Variants in RNF144B observed in about 807,000 individuals in gnomAD.
RNF144B encodes E3 ubiquitin-protein ligase RNF144B.
A neutral mutation model predicts 40.2 loss-of-function variants in RNF144B; 25 were observed. That is an observed-to-expected ratio of 0.62 (90% CI 0.45 to 0.87). RNF144B has a LOEUF of 0.87. Among genes scored for constraint, RNF144B ranks in the 40% least tolerant of loss-of-function variants. The probability of loss-of-function intolerance (pLI) is 0.00; values close to 1 mark genes in which losing one functional copy is unlikely to be tolerated. For missense variants in RNF144B, 365 were observed against 373.7 expected, an observed-to-expected ratio of 0.98 and a Z score of 0.19; for synonymous variants, 145 against 136.3, an observed-to-expected ratio of 1.06 and a Z score of -0.44.
rs1483183523 is a variant in RNF144B, at chr6:18,419,203, C to T, written c.166-8378C>T. Among the ~76,000 whole-genome samples the T allele has an allele frequency of 6.6e-6, 1 of 152,144 alleles. No individual in the cohort carries two copies. The highest frequency in any genetic ancestry group is 1.5e-5 in the Non-Finnish European group (1 of 68,012). ...TGAAGTTCCTTATCCTCTGTCCATC[C>T]ACCCCTCCTCCTCCTGCCTATGGCT... On this transcript the variant is annotated intron_variant, in intron 2 of 7. Transcript: ENST00000259939. This position sits in a 1 kb window ranked among gnomAD's most constrained non-coding sequence, Gnocchi z 4.6.
At chr6:18,455,316 A>C (rs10484369) in intron 4 of RNF144B, among the ~76,000 whole-genome samples, 44,893 of 152,032 alleles carry the variant, frequency 0.3, 7,715 homozygotes, top group East Asian at 0.51. Context: ...AGATAAGACC[A>C]TATATTTAAG....
chr6:18,389,424 A>C (rs1794537992), intron 1 of RNF144B, among the ~76,000 whole-genome samples: 1 of 152,182 alleles, frequency 6.6e-6, no homozygotes, highest in Non-Finnish European at 1.5e-5. Context: ...CTTTCTCCTC[A>C]GTAGTATGAA....
chr6:18,420,842 A>C (rs775262258), intron 2 of RNF144B, among the ~76,000 whole-genome samples: 2 of 152,168 alleles, frequency 1.3e-5, no homozygotes, highest in African/African-American at 2.4e-5. Context: ...CCTTTATTAG[A>C]GTCTTACGAA....
intron 3 of RNF144B, among the ~76,000 whole-genome samples, chr6:18,438,181 A>G (rs1481418896): frequency 6.6e-6 from 1 of 152,140 alleles, no homozygotes; most frequent in African/African-American, 2.4e-5. Context: ...AATGCCTCCT[A>G]TCACTTCATT....
intron 1 of RNF144B, among the ~76,000 whole-genome samples, chr6:18,392,589 C>T (rs898594094): frequency 2.0e-5 from 3 of 151,860 alleles, no homozygotes; most frequent in Admixed American, 6.6e-5. Context: ...GTTGAAATGA[C>T]GATGTTAAAA....
rs1054332210 is a variant in RNF144B, at chr6:18,458,318, C to T, written c.536+959C>T. 2.0e-5 allele frequency among the ~76,000 whole-genome samples: 3 copies of T among 152,156 alleles called. No homozygotes were observed. Among genetic ancestry groups the T allele is most frequent in the African/African-American group, 4.8e-5 (2 of 41,442 alleles). ...TCATTCCTGCTTTGCTTGAGGCTAT[C>T]GTTGTTCTGCATCAGCAAGAACAAA... On this transcript the variant is annotated intron_variant, in intron 5 of 7. Coordinates refer to ENST00000259939, the MANE Select transcript of RNF144B (RefSeq NM_182757.4). This position sits in a 1 kb window ranked among gnomAD's most constrained non-coding sequence, Gnocchi z 4.8.
chr6:18,427,889 A>G (rs987801569), intron 3 of RNF144B, among the ~76,000 whole-genome samples: 1 of 152,198 alleles, frequency 6.6e-6, no homozygotes, highest in Non-Finnish European at 1.5e-5. Flanking sequence ...ATTTACATAT[A>G]CCATCTTGAG....
chr6:18,411,462 CATATATATATATATATATAT>C (rs767477071), intron 2 of RNF144B, among the ~76,000 whole-genome samples: 44 of 59,364 alleles, frequency 7.4e-4, no homozygotes, highest in African/African-American at 2.4e-3. Flanking sequence ...GTGCATGATT[CATATATATATATATATATAT>C]ATATATATAT....
Position 18,395,207 on chromosome 6 carries a change from G to GA in RNF144B, c.-36-4291dup, listed in dbSNP as rs1364822405. Among the ~76,000 whole-genome samples, 1 of 152,188 alleles carries GA rather than the reference G, an allele frequency of 6.6e-6. No individual in the cohort carries two copies. The highest frequency in any genetic ancestry group is 1.5e-5 in the Non-Finnish European group (1 of 68,026). On this transcript the variant is annotated intron_variant, in intron 1 of 7. Transcript: ENST00000259939. This position sits in a 1 kb window ranked among gnomAD's most constrained non-coding sequence, Gnocchi z 4.5. ...ACTTTCTTATTTTTGATAGAAATGT[G>GA]AGGTATGAGGCAGTAGGAGTGAGTT...
chr6:18,462,386 C>T (rs565095837), intron 6 of RNF144B, among the ~76,000 whole-genome samples: 3 of 152,328 alleles, frequency 2.0e-5, no homozygotes, highest in South Asian at 2.1e-4. Context: ...AGTGATACCA[C>T]CTCTGTTGGT....
intron 2 of RNF144B, among the ~76,000 whole-genome samples, chr6:18,411,138 C>T (rs920665447): frequency 2.0e-5 from 3 of 151,894 alleles, no homozygotes; most frequent in Non-Finnish European, 4.4e-5. Context: ...GCACGTGCCA[C>T]CACTCCCAGG....
chr6:18,452,309 G>C (rs1236142209), intron 4 of RNF144B, among the ~76,000 whole-genome samples: 1 of 152,152 alleles, frequency 6.6e-6, no homozygotes, highest in Non-Finnish European at 1.5e-5. Flanking sequence ...GAAATGAATA[G>C]ACAGCAGCAA....
At position 18,456,532 on chromosome 6, in the gene RNF144B, T is replaced by C. The variant is rs964396295; in HGVS notation, c.332-623T>C. Among the ~76,000 whole-genome samples, 1 of 152,248 alleles carries C rather than the reference T, an allele frequency of 6.6e-6. No individual in the cohort carries two copies. Among genetic ancestry groups the C allele is most frequent in the Non-Finnish European group, 1.5e-5 (1 of 68,048 alleles). ...GTAGAAGGGATTTGAGATTTTTGCC[T>C]ATTTTACGTGCTCAAAGGTGGGAAA... is the stretch of plus-strand genomic sequence containing the variant. On this transcript the variant is annotated intron_variant, in intron 4 of 7. Coordinates refer to ENST00000259939, the MANE Select transcript of RNF144B (RefSeq NM_182757.4). This position sits in a 1 kb window ranked among gnomAD's most constrained non-coding sequence, Gnocchi z 4.7.
In RNF144B at chr6:18,442,196, T is replaced by C. The variant is rs1320306466; in HGVS notation, c.331+2452T>C. 2.6e-5 allele frequency among the ~76,000 whole-genome samples: 4 copies of C among 152,238 alleles called. No individual in the cohort carries two copies. Among genetic ancestry groups the C allele is most frequent in the African/African-American group, 9.6e-5 (4 of 41,462 alleles). On this transcript the variant is annotated intron_variant, in intron 4 of 7. Coordinates refer to ENST00000259939, the MANE Select transcript of RNF144B (RefSeq NM_182757.4). The surrounding 1 kb of genome is among the most constrained non-coding windows in gnomAD (Gnocchi z 4.3). Reference sequence around the variant, plus strand: ...AGTAGTATTCAAACCTGCTTGTAACTGGCTTATTCTTTCATTAGACGTGAT... The same window carrying C: ...AGTAGTATTCAAACCTGCTTGTAACCGGCTTATTCTTTCATTAGACGTGAT...
In RNF144B at chr6:18,387,446, T is replaced by G; in HGVS notation, c.-221T>G. 1 of 1,221,882 alleles carries G rather than the reference T, an allele frequency of 8.2e-7. No homozygotes were observed. Among genetic ancestry groups the G allele is most frequent in the Non-Finnish European group, 1.1e-6 (1 of 950,920 alleles). The allele number at this position is 1,221,882 out of a possible 1,614,324, so 75.7% of individuals were successfully genotyped here. A position where few individuals can be genotyped will look rare whatever the true frequency, so the allele number is the denominator to read the frequency against. On this transcript the variant is annotated 5_prime_UTR_variant, in exon 1 of 8. Coordinates refer to ENST00000259939, the MANE Select transcript of RNF144B (RefSeq NM_182757.4). ...GGGGACTCCGCCTCCTCCCGACCCG[T>G]AGGTCTGGGAGCGCAAGTCCTGTTG... is the stretch of plus-strand genomic sequence containing the variant.
intron 1 of RNF144B, among the ~76,000 whole-genome samples, chr6:18,394,224 T>C (rs979961430): frequency 5.3e-5 from 8 of 152,226 alleles, no homozygotes; most frequent in Non-Finnish European, 1.0e-4. Flanking sequence ...CATTATCCCT[T>C]CCAATTACAC....
intron 2 of RNF144B, among the ~76,000 whole-genome samples, chr6:18,421,417 G>C (rs1391948603): frequency 6.6e-6 from 1 of 152,138 alleles, no homozygotes; most frequent in Non-Finnish European, 1.5e-5. Flanking sequence ...GTTAGGCTCT[G>C]AGTTTGATGT....
chr6:18,409,621 A>T (rs1394311185), intron 2 of RNF144B, among the ~76,000 whole-genome samples: 9 of 128,430 alleles, frequency 7.0e-5, no homozygotes, highest in South Asian at 2.6e-4. Context: ...CCCAGGCTGG[A>T]GTGCAATGGC....
At position 18,468,196 on chromosome 6, in the gene RNF144B, TG is replaced by T. The variant is rs1413384040; in HGVS notation, c.*3131del. The T allele has an allele frequency of 2.0e-5, 3 of 152,242 alleles. No individual in the cohort carries two copies. The highest frequency in any genetic ancestry group is 2.9e-5 in the Non-Finnish European group (2 of 68,044). The allele number at this position is 152,242 out of a possible 1,614,324, so 9.4% of individuals were successfully genotyped here. A position where few individuals can be genotyped will look rare whatever the true frequency, so the allele number is the denominator to read the frequency against. ...AAAAATCCGTCACCAAATTGTAACC[TG>T]GATGTTATAGCCCAGCATCTAGAAA... On this transcript the variant is annotated 3_prime_UTR_variant, in exon 8 of 8. Transcript: ENST00000259939.
Sources: allele counts gnomAD v4.1 joint callset (sites outside exome capture counted in the v4.1 genomes callset), GRCh38; gene constraint gnomAD v4.1.1; non-coding constraint Gnocchi (gnomAD v3.1); transcripts MANE v1.5; gene names NCBI Gene and HGNC (gene_info 2026-07-23, HGNC 2026-07-21).